Variants in CENPP observed in about 807,000 individuals in gnomAD.
CENPP encodes the protein centromere protein P.
Under a neutral mutation model 35.6 loss-of-function variants are expected in CENPP, and 24 were observed. That is an observed-to-expected ratio of 0.67 (90% CI 0.49 to 0.95). The LOEUF (loss-of-function observed/expected upper bound fraction) is 0.95. Among genes scored for constraint, CENPP ranks in the 40% least tolerant of loss-of-function variants. CENPP has a pLI of 0.00. For synonymous variants in CENPP, 120 were observed against 125.5 expected (o/e 0.96, Z 0.29); for missense variants, 332 against 345.3 (o/e 0.96, Z 0.31).
intron 5 of CENPP, among the ~76,000 whole-genome samples, chr9:92,405,896 AG>A (rs1843290739): frequency 6.6e-6 from 1 of 152,260 alleles, no homozygotes; most frequent in African/African-American, 2.4e-5. Flanking sequence ...CCAGGACTTC[AG>A]ACACGTAAGC....
chr9:92,563,000 T>G (rs1849884394), intron 5 of CENPP, among the ~76,000 whole-genome samples: 1 of 152,148 alleles, frequency 6.6e-6, no homozygotes, highest in Non-Finnish European at 1.5e-5. Flanking sequence ...GGATGAAAAA[T>G]TAATATTAGC....
intron 5 of CENPP, among the ~76,000 whole-genome samples, chr9:92,609,979 GC>G (rs1851191786): frequency 6.6e-6 from 1 of 152,108 alleles, no homozygotes; most frequent in South Asian, 2.1e-4. Flanking sequence ...CAGGTGGTCT[GC>G]CCTCCTTGGC....
At chr9:92,470,371 C>T (rs972908417) in intron 5 of CENPP, among the ~76,000 whole-genome samples, 12 of 152,248 alleles carry the variant, frequency 7.9e-5, no homozygotes, top group Admixed American at 3.9e-4. Context: ...TTTTCTTGTT[C>T]ATTTTAATGT....
chr9:92,532,720 A>G (rs1273637891), intron 5 of CENPP, among the ~76,000 whole-genome samples: 3 of 151,960 alleles, frequency 2.0e-5, no homozygotes, highest in Non-Finnish European at 4.4e-5. Context: ...AAAAATTTTA[A>G]TCTCATCTTT....
chr9:92,371,999 T>G (rs1486970911), intron 4 of CENPP, among the ~76,000 whole-genome samples: 2 of 128,692 alleles, frequency 1.6e-5, no homozygotes, highest in African/African-American at 5.8e-5. Flanking sequence ...CCGAGACTCG[T>G]GCCACTGTAC....
At chr9:92,514,375 A>C (rs1261704037) in intron 5 of CENPP, among the ~76,000 whole-genome samples, 2 of 151,698 alleles carry the variant, frequency 1.3e-5, no homozygotes, top group Non-Finnish European at 2.9e-5. Context: ...CCTGGATTCA[A>C]ACGATTCTCC....
chr9:92,600,495 G>C (rs1850883019), intron 5 of CENPP: 2 of 1,612,908 alleles, frequency 1.2e-6, no homozygotes, highest in Non-Finnish European at 1.7e-6. Flanking sequence ...GTTCTGCAAA[G>C]GTCTGGAGAT....
chr9:92,331,086 C>A (rs192123445), intron 1 of CENPP, among the ~76,000 whole-genome samples: 1 of 152,280 alleles, frequency 6.6e-6, no homozygotes, highest in East Asian at 1.9e-4. Context: ...TTTGCTATTT[C>A]TTTTTCCGAT....
At chr9:92,386,878 G>A (rs1842444697) in intron 5 of CENPP, among the ~76,000 whole-genome samples, 3 of 149,834 alleles carry the variant, frequency 2.0e-5, no homozygotes, top group Non-Finnish European at 3.0e-5. Context: ...CACCATGCCC[G>A]GCCTAAAAAA....
rs1005122730 is a variant in CENPP, at chr9:92,618,926, C to T, written c.*5777C>T. ...GATCGGTGATGGAGATGCTGTCTAA[C>T]GACTATGAGATTATCAGTTTCATCC... On this transcript the variant is annotated 3_prime_UTR_variant, in exon 8 of 8. Transcript: ENST00000375587. 2.3e-5 allele frequency: 7 copies of T among 300,254 alleles called. No homozygotes were observed. The highest frequency in any genetic ancestry group is 9.7e-5 in the South Asian group (3 of 31,046). The allele number at this position is 300,254 out of a possible 1,614,324, so 18.6% of individuals were successfully genotyped here. A position where few individuals can be genotyped will look rare whatever the true frequency, so the allele number is the denominator to read the frequency against.
At chr9:92,584,425 T>G (rs1850496902) in intron 5 of CENPP, among the ~76,000 whole-genome samples, 1 of 152,226 alleles carries the variant, frequency 6.6e-6, no homozygotes, top group Non-Finnish European at 1.5e-5. Context: ...CACGGCTCAC[T>G]GCAGCCTTGA....
At chr9:92,446,821 A>G (rs1844563532) in intron 5 of CENPP, among the ~76,000 whole-genome samples, 1 of 151,718 alleles carries the variant, frequency 6.6e-6, no homozygotes, top group Admixed American at 6.6e-5. Context: ...TTAAAAAAAA[A>G]AAAAAATAGA....
chr9:92,565,345 T>C (rs7847198), intron 5 of CENPP, among the ~76,000 whole-genome samples: 3,021 of 146,036 alleles, frequency 0.021, 113 homozygotes, highest in African/African-American at 0.073. Context: ...TAAGAACGTT[T>C]ACGAATTTTG....
chr9:92,326,060 C>T lies in CENPP; in HGVS notation c.62C>T (p.Ala21Val). Reference protein sequence around the residue: ...LQAEIAALRRACEDPPAPWEE... With the variant: ...LQAEIAALRRVCEDPPAPWEE... ...GCTGAGATCGCGGCCCTGCGGCGAG[C>T]GTGTGAGGACCCACCGGCGCCCTGG... Residue 21 changes from alanine to valine, a missense_variant, in exon 1 of 8, where the codon GCG (alanine) becomes GTG (valine). Physicochemically the swap from Ala to Val is moderately conservative, Grantham distance 64 (BLOSUM62 0). Coordinates refer to ENST00000375587, the MANE Select transcript of CENPP (RefSeq NM_001012267.3). The T allele has an allele frequency of 6.4e-7, 1 of 1,563,256 alleles. No individual in the cohort carries two copies. The highest frequency in any genetic ancestry group is 1.4e-5 in the African/African-American group (1 of 73,246).
At chr9:92,470,819 A>G in intron 5 of CENPP, 1 of 1,180,304 alleles carries the variant, frequency 8.5e-7, no homozygotes, top group South Asian at 1.5e-5. Context: ...ATAGAGAATC[A>G]TGCTGAAGAT....
intron 5 of CENPP, among the ~76,000 whole-genome samples, chr9:92,405,317 C>G (rs2130938159): frequency 6.6e-6 from 1 of 152,016 alleles, no homozygotes; most frequent in East Asian, 1.9e-4. Flanking sequence ...TAAAAAATTC[C>G]TCCTTGGTGC....
chr9:92,439,505 G>T (rs1340871672), intron 5 of CENPP, among the ~76,000 whole-genome samples: 2 of 152,138 alleles, frequency 1.3e-5, no homozygotes, highest in East Asian at 3.9e-4. Context: ...AGCATGGGAG[G>T]CCCTGGCCAC....
chr9:92,560,748 A>G (rs1005203045), intron 5 of CENPP, among the ~76,000 whole-genome samples: 1 of 151,698 alleles, frequency 6.6e-6, no homozygotes, highest in Middle Eastern at 3.4e-3. Flanking sequence ...TTCACCTTCC[A>G]TTTATTCCTT....
intron 2 of CENPP, among the ~76,000 whole-genome samples, chr9:92,333,527 T>A (rs1266756403): frequency 2.0e-5 from 3 of 152,212 alleles, no homozygotes; most frequent in Non-Finnish European, 4.4e-5. Flanking sequence ...TGAAATGCTT[T>A]TTTCCTGTGA....
Sources: allele counts gnomAD v4.1 joint callset (sites outside exome capture counted in the v4.1 genomes callset), GRCh38; gene constraint gnomAD v4.1.1; transcripts MANE v1.5; gene names NCBI Gene and HGNC (gene_info 2026-07-23, HGNC 2026-07-21).